DEAF1: variants seen among roughly 807,000 people sequenced by gnomAD.
DEAF1 encodes DEAF1 transcription factor, also known as deformed epidermal autoregulatory factor 1 homolog.
DEAF1 carries 53 observed loss-of-function variants against 58.9 expected under a neutral mutation model. The observed-to-expected ratio is 0.90, with a 90% CI of 0.72 to 1.13. DEAF1 has a LOEUF of 1.13. Among genes scored for constraint, DEAF1 ranks in the 50% most tolerant of loss-of-function variants. DEAF1 has a pLI of 0.00. For synonymous variants in DEAF1, 385 were observed against 340.4 expected, an observed-to-expected ratio of 1.13 and a Z score of -1.44; for missense variants, 685 against 791.4, an observed-to-expected ratio of 0.87 and a Z score of 1.61.
chr11:646,853 G>A (rs1458732650), intron 11 of DEAF1, among the ~76,000 whole-genome samples: 2 of 152,144 alleles, frequency 1.3e-5, no homozygotes, highest in African/African-American at 4.8e-5. Context: ...AGCTAACAAT[G>A]AAAGTGCCTG....
At chr11:660,980 C>A (rs1859296727) in intron 10 of DEAF1, among the ~76,000 whole-genome samples, 1 of 152,172 alleles carries the variant, frequency 6.6e-6, no homozygotes, top group Admixed American at 6.5e-5. Flanking sequence ...ACCATCCAGG[C>A]ACAGCACAGA....
At chr11:670,779 T>C (rs199963779) in intron 10 of DEAF1, among the ~76,000 whole-genome samples, 28,883 of 76,784 alleles carry the variant, frequency 0.38, 4,578 homozygotes, top group African/African-American at 0.57. Flanking sequence ...TTGTTTTTGT[T>C]TTTTTTTTTT....
chr11:659,686 C>G (rs1320878860), intron 10 of DEAF1, among the ~76,000 whole-genome samples: 3 of 152,098 alleles, frequency 2.0e-5, no homozygotes, highest in African/African-American at 7.2e-5. Flanking sequence ...CTGGGAGAAC[C>G]CTGAGTAGCC....
rs895976430 is a variant in DEAF1, at chr11:694,949, T to G, written c.99A>C (p.Ala33=). Residue 33 remains alanine, a synonymous_variant, in exon 1 of 12, where the codon GCA becomes GCC. Transcript: ENST00000382409. ...GCACCGGCTCCTCCGCCTCGCCTCC[T>G]GCCGCGGCCGCGGCCGCCGCCGCCA... is the stretch of plus-strand genomic sequence containing the variant. ...AAVAAAAAAA[A]GGEAEEPVLS... is the part of the protein sequence containing the mutation. The G allele has an allele frequency of 2.8e-4, 320 of 1,140,418 alleles. No homozygotes were observed. Among genetic ancestry groups the G allele is most frequent in the Non-Finnish European group, 3.2e-4 (292 of 925,682 alleles). The allele number at this position is 1,140,418 out of a possible 1,614,324, so 70.6% of individuals were successfully genotyped here.
chr11:654,110 C>A (rs996564540), intron 10 of DEAF1, 59 bp from the exon 11 acceptor site: 3 of 1,449,122 alleles, frequency 2.1e-6, no homozygotes, highest in Non-Finnish European at 2.9e-6. Context: ...CCCTGAGACA[C>A]CGGGGACAGA....
chr11:689,435 T>A (rs1052698625), intron 2 of DEAF1, among the ~76,000 whole-genome samples: 1 of 151,930 alleles, frequency 6.6e-6, no homozygotes, highest in African/African-American at 2.4e-5. Context: ...ATGGTCTCCA[T>A]CTTCTGACCT....
rs144847653 is a variant in DEAF1 at position 671,595 on chromosome 11, G to A, written c.1503+2941C>T. ...CTTCCTTGAAAGAAAATTAATGCTG[G>A]GTCCAGTGGCTCACGCCTGTAATCT... On this transcript the variant is annotated intron_variant, in intron 10 of 11. Coordinates refer to ENST00000382409, the MANE Select transcript of DEAF1 (RefSeq NM_021008.4). 7.9e-3 allele frequency among the ~76,000 whole-genome samples: 1,201 copies of A among 151,446 alleles called. 14 individuals are homozygous for A. The highest frequency in any genetic ancestry group is 0.028 in the African/African-American group (1,140 of 41,304).
At chr11:647,635 CAA>C (rs1171844495) in intron 11 of DEAF1, among the ~76,000 whole-genome samples, 1 of 152,094 alleles carries the variant, frequency 6.6e-6, no homozygotes, top group Non-Finnish European at 1.5e-5. Context: ...GCCCTCAGCC[CAA>C]AGAGAGAGGG....
intron 6 of DEAF1, among the ~76,000 whole-genome samples, 167 bp from the exon 7 acceptor site, chr11:681,256 C>T (rs551097321): frequency 7.9e-4 from 120 of 152,214 alleles, no homozygotes; most frequent in African/African-American, 2.7e-3. Context: ...TTTTTTGAGA[C>T]GGAGTTTCAC....
intron 10 of DEAF1, among the ~76,000 whole-genome samples, chr11:670,931 G>GTTTTTTTTTTTTTT (rs558436376): frequency 1.1e-5 from 1 of 91,388 alleles, no homozygotes; most frequent in African/African-American, 5.1e-5. Context: ...CCTGGCTAAT[G>GTTTTTTTTTTTTTT]TTTTTTTTTT....
At chr11:705,980 A>C (rs1861694567) in intron 1 of DEAF1, 1 of 152,196 alleles carries the variant, frequency 6.6e-6, no homozygotes, top group African/African-American at 2.4e-5. Flanking sequence ...GGGGCACACC[A>C]GGCGGGTGTT....
At chr11:666,903 A>G (rs571477155) in intron 10 of DEAF1, among the ~76,000 whole-genome samples, 1 of 151,922 alleles carries the variant, frequency 6.6e-6, no homozygotes. Flanking sequence ...AAAAAGAAAA[A>G]AAGAAATAGT....
At chr11:700,151 G>T (rs1413911055), upstream of DEAF1, 3 of 1,614,110 alleles carry the variant, frequency 1.9e-6, no homozygotes, top group Admixed American at 3.3e-5. Flanking sequence ...GCTCTCTTCA[G>T]TTCCCCTTCA....
upstream of DEAF1, among the ~76,000 whole-genome samples, chr11:696,169 A>G (rs1383416148): frequency 1.3e-5 from 2 of 152,088 alleles, no homozygotes; most frequent in East Asian, 1.9e-4. Context: ...GGATGGGCGC[A>G]GGGTTTCGGT....
At chr11:666,873 C>CAAAAAAA (rs532628897) in intron 10 of DEAF1, among the ~76,000 whole-genome samples, 140 of 60,188 alleles carry the variant, frequency 2.3e-3, no homozygotes, top group Non-Finnish European at 3.0e-3. Flanking sequence ...ACTCTGTCTC[C>CAAAAAAA]AAAAAAAAAA....
chr11:674,076 G>A (rs944026275), intron 10 of DEAF1: 3 of 264,066 alleles, frequency 1.1e-5, no homozygotes, highest in South Asian at 8.6e-5. Context: ...TCTGAAGAAC[G>A]TGCCAGAAGC....
At chr11:649,149 G>A (rs974367647) in intron 11 of DEAF1, among the ~76,000 whole-genome samples, 1 of 152,184 alleles carries the variant, frequency 6.6e-6, no homozygotes, top group Non-Finnish European at 1.5e-5. Context: ...TACTTGGGAG[G>A]CTGAGGCAGG....
At chr11:685,359 C>T (rs1049227362) in intron 5 of DEAF1, among the ~76,000 whole-genome samples, 2 of 152,112 alleles carry the variant, frequency 1.3e-5, no homozygotes, top group African/African-American at 2.4e-5. Context: ...GCTGGGATTA[C>T]AAGCGTAAGC....
At chr11:697,018 G>A (rs571420298), upstream of DEAF1, among the ~76,000 whole-genome samples, 2 of 151,536 alleles carry the variant, frequency 1.3e-5, no homozygotes, top group African/African-American at 2.4e-5. Flanking sequence ...GTGGTGGTGG[G>A]GGGGGTGGGG....
Sources: allele counts gnomAD v4.1 joint callset (sites outside exome capture counted in the v4.1 genomes callset), GRCh38; gene constraint gnomAD v4.1.1; transcripts MANE v1.5; gene names NCBI Gene and HGNC (gene_info 2026-07-23, HGNC 2026-07-21).